ROBO2: variants seen among roughly 807,000 people sequenced by gnomAD.
ROBO2 encodes roundabout guidance receptor 2, also known as roundabout homolog 2.
A neutral mutation model predicts 160.8 loss-of-function variants in ROBO2; 53 were observed. That is an observed-to-expected ratio of 0.33 (90% confidence interval 0.26 to 0.41). ROBO2 has a LOEUF of 0.41. ROBO2 is among the 10% of genes least tolerant of loss of function. The pLI, the probability that ROBO2 is intolerant of heterozygous loss-of-function variation, is 1.00. For missense variants in ROBO2, 1,577 were observed against 1,722.4 expected, an observed-to-expected ratio of 0.92 and a Z score of 1.49; for synonymous variants, 664 against 611.7, an observed-to-expected ratio of 1.09 and a Z score of -1.26.
At chr3:76,760,800 G>A (rs2061263928) in intron 2 of ROBO2, among the ~76,000 whole-genome samples, 1 of 151,692 alleles carries the variant, frequency 6.6e-6, no homozygotes, top group Non-Finnish European at 1.5e-5. Context: ...TTATTGGATA[G>A]TCAATTCAAT....
chr3:76,897,085 A>G (rs2074844886), intron 2 of ROBO2, among the ~76,000 whole-genome samples: 1 of 152,132 alleles, frequency 6.6e-6, no homozygotes, highest in Admixed American at 6.6e-5. Context: ...AAGAATATGG[A>G]CCAATGGTCC....
intron 2 of ROBO2, among the ~76,000 whole-genome samples, chr3:77,132,459 T>C (rs2075934132): frequency 6.6e-6 from 1 of 152,084 alleles, no homozygotes; most frequent in Non-Finnish European, 1.5e-5. Flanking sequence ...TTTCAGCCCC[T>C]GGAAAGGCTA....
At chr3:76,297,599 A>T (rs978998860) in intron 2 of ROBO2, among the ~76,000 whole-genome samples, 1 of 151,794 alleles carries the variant, frequency 6.6e-6, no homozygotes, top group African/African-American at 2.4e-5. Flanking sequence ...AATGGCGCCT[A>T]ATTATTTCCA....
chr3:76,364,083 C>T (rs1360200476), intron 2 of ROBO2, among the ~76,000 whole-genome samples: 1 of 152,060 alleles, frequency 6.6e-6, no homozygotes, highest in Non-Finnish European at 1.5e-5. Context: ...TTACCACTGC[C>T]TCCGTCACAT....
chr3:76,850,876 C>T (rs1398271223), intron 2 of ROBO2, among the ~76,000 whole-genome samples: 1 of 152,200 alleles, frequency 6.6e-6, no homozygotes, highest in East Asian at 1.9e-4. Context: ...GTCCTTCTTT[C>T]TTTACAAAGT....
chr3:76,471,379 C>G (rs2078647744), intron 2 of ROBO2, among the ~76,000 whole-genome samples: 1 of 152,066 alleles, frequency 6.6e-6, no homozygotes, highest in African/African-American at 2.4e-5. Context: ...AGCCTATGTC[C>G]TTTCTGAATG....
At chr3:76,996,696 T>G (rs2149397856) in intron 2 of ROBO2, among the ~76,000 whole-genome samples, 1 of 152,316 alleles carries the variant, frequency 6.6e-6, no homozygotes, top group South Asian at 2.1e-4. Flanking sequence ...CAGTACATTC[T>G]TACCAAGTCG....
intron 2 of ROBO2, among the ~76,000 whole-genome samples, chr3:76,553,455 G>A (rs1309847008): frequency 1.2e-4 from 18 of 152,108 alleles, no homozygotes. Flanking sequence ...GAGTTTCAGT[G>A]GAGTGTTATG....
At chr3:76,252,758 TACACACACAC>T (rs113177987) in intron 2 of ROBO2, among the ~76,000 whole-genome samples, 1,971 of 53,616 alleles carry the variant, frequency 0.037, 33 homozygotes, top group African/African-American at 0.05. Flanking sequence ...TGTATATGTA[TACACACACAC>T]ACACACACAC....
intron 2 of ROBO2, among the ~76,000 whole-genome samples, chr3:76,458,267 T>G (rs936687321): frequency 6.6e-6 from 1 of 152,170 alleles, no homozygotes; most frequent in African/African-American, 2.4e-5. Context: ...TTCCTCCAGA[T>G]ACTCTAAATC....
At chr3:77,322,870 AT>A (rs372161830) in intron 2 of ROBO2, among the ~76,000 whole-genome samples, 13,436 of 93,366 alleles carry the variant, frequency 0.14, 2,562 homozygotes, top group African/African-American at 0.29. Flanking sequence ...ATTATAATAT[AT>A]TATGTAATAT....
chr3:77,592,344 T>A (rs2094200338), intron 17 of ROBO2, among the ~76,000 whole-genome samples: 2 of 152,080 alleles, frequency 1.3e-5, no homozygotes, highest in African/African-American at 4.8e-5. Context: ...CTAGAATCAT[T>A]TGAAAAACAT....
chr3:77,420,807 T>C (rs1020893866), intron 2 of ROBO2, among the ~76,000 whole-genome samples: 7 of 152,122 alleles, frequency 4.6e-5, no homozygotes, highest in African/African-American at 1.7e-4. Flanking sequence ...ATTTGGAAAA[T>C]GAGGCATTCT....
At chr3:77,215,652 G>C (rs1384346347) in intron 2 of ROBO2, among the ~76,000 whole-genome samples, 1 of 152,150 alleles carries the variant, frequency 6.6e-6, no homozygotes, top group Non-Finnish European at 1.5e-5. Flanking sequence ...GAGGAGAGGT[G>C]CTCTGATTTT....
intron 2 of ROBO2, among the ~76,000 whole-genome samples, chr3:77,264,983 A>G (rs1347492134): frequency 6.6e-6 from 1 of 152,142 alleles, no homozygotes; most frequent in Non-Finnish European, 1.5e-5. Context: ...CAATTAGAAA[A>G]TTTCCTGGAT....
chr3:76,866,011 C>A (rs760693560), intron 2 of ROBO2, among the ~76,000 whole-genome samples: 1 of 151,974 alleles, frequency 6.6e-6, no homozygotes, highest in Non-Finnish European at 1.5e-5. Flanking sequence ...TTATTTTAAG[C>A]CTTACCAGCC....
intron 2 of ROBO2, among the ~76,000 whole-genome samples, chr3:77,011,444 C>G (rs772443526): frequency 9.2e-5 from 14 of 152,048 alleles, no homozygotes; most frequent in Non-Finnish European, 1.8e-4. Context: ...ATCTCCAAAC[C>G]TTTCACCCTG....
chr3:77,558,047 T>C, exon 9 of ROBO2: 1 of 1,613,292 alleles, frequency 6.2e-7, no homozygotes. Flanking sequence ...CTGGTGATCC[T>C]CTTCCTGTAA....
intron 2 of ROBO2, among the ~76,000 whole-genome samples, chr3:77,013,625 G>T (rs2062049079): frequency 6.6e-6 from 1 of 151,856 alleles, no homozygotes; most frequent in African/African-American, 2.4e-5. Flanking sequence ...GTGTAATGTG[G>T]TATGTCTATA....
Sources: gnomAD v4.1 joint callset for allele counts (sites outside exome capture counted in the v4.1 genomes callset) on GRCh38, gnomAD v4.1.1 for gene constraint, MANE v1.5 for transcripts, NCBI Gene and HGNC (gene_info 2026-07-23, HGNC 2026-07-21) for gene names.